The following AOAH variants were observed in gnomAD, a reference collection of about 807,000 sequenced individuals.
The protein encoded by AOAH is acyloxyacyl hydrolase.
A neutral mutation model predicts 92.2 loss-of-function variants in AOAH; 64 were observed. That is an observed-to-expected ratio of 0.69 (90% CI 0.57 to 0.86). AOAH has a LOEUF of 0.86. Ranked by LOEUF, AOAH falls within the 40% of genes least tolerant of loss-of-function variation. The probability of loss-of-function intolerance (pLI) is 0.00; values close to 1 mark genes in which losing one functional copy is unlikely to be tolerated. For missense variants in AOAH, 656 were observed against 694.6 expected, an observed-to-expected ratio of 0.94 and a Z score of 0.62; for synonymous variants, 263 against 254.5, an observed-to-expected ratio of 1.03 and a Z score of -0.32.
At chr7:36,570,571 C>A (rs1268452023) in intron 13 of AOAH, among the ~76,000 whole-genome samples, 1 of 152,168 alleles carries the variant, frequency 6.6e-6, no homozygotes, top group Non-Finnish European at 1.5e-5. Context: ...TTGGAGGAAC[C>A]TCCATACTGT....
chr7:36,609,600 G>A (rs1417835504), intron 11 of AOAH, among the ~76,000 whole-genome samples: 1 of 152,124 alleles, frequency 6.6e-6, no homozygotes, highest in African/African-American at 2.4e-5. Context: ...TTCCTAGGTT[G>A]ACTGGGACCT....
intron 1 of AOAH, among the ~76,000 whole-genome samples, chr7:36,688,010 G>A (rs751804898): frequency 3.4e-4 from 52 of 152,192 alleles, no homozygotes; most frequent in Non-Finnish European, 1.0e-4. Flanking sequence ...TCTGGACAAA[G>A]AGAAAGGTTC....
At chr7:36,669,276 T>C (rs1265097934) in intron 3 of AOAH, among the ~76,000 whole-genome samples, 1 of 152,182 alleles carries the variant, frequency 6.6e-6, no homozygotes, top group East Asian at 1.9e-4. Flanking sequence ...AATACTTTTA[T>C]CTTGTTTCTA....
rs534887934 is a variant in AOAH at position 36,701,432 on chromosome 7, TG to T, written c.128-14639del. Among the ~76,000 whole-genome samples, 313 of 151,122 alleles carry T rather than the reference TG, an allele frequency of 2.1e-3. 1 individual carries two copies. Among genetic ancestry groups the T allele is most frequent in the East Asian group, 4.2e-3 (22 of 5,178 alleles). On this transcript the variant is annotated intron_variant, in intron 1 of 20. Transcript: ENST00000617537. ...TTTTCTTTTCAACTCTTTCAGTATT[TG>T]GGGGCTTTTAAATTAAGTTCATATA...
chr7:36,594,872 G>A (rs1314639265), intron 11 of AOAH, among the ~76,000 whole-genome samples: 1 of 152,096 alleles, frequency 6.6e-6, no homozygotes, highest in African/African-American at 2.4e-5. Context: ...AAGGCATTAA[G>A]GTGGTGCCCT....
At chr7:36,639,586 ATATGT>A (rs1008904134) in intron 4 of AOAH, among the ~76,000 whole-genome samples, 1 of 152,270 alleles carries the variant, frequency 6.6e-6, no homozygotes, top group Admixed American at 6.5e-5. Context: ...TTGCAAAGGA[ATATGT>A]TATAATAATG....
Position 36,713,945 on chromosome 7 carries a change from A to C in AOAH, c.127+10077T>G, listed in dbSNP as rs1798953261. ...GAGAAGCAAGAGCAAACACATTCAA[A>C]AGCTAGCAGAAGGCAAGAACTAACT... On this transcript the variant is annotated intron_variant, in intron 1 of 20. Transcript: ENST00000617537. Among the ~76,000 whole-genome samples, 5 of 152,310 alleles carry C rather than the reference A, an allele frequency of 3.3e-5. No individual in the cohort carries two copies. In the South Asian group the frequency reaches 1.0e-3, roughly 32 times the overall value.
At chr7:36,578,157 C>T (rs1303972025) in intron 12 of AOAH, among the ~76,000 whole-genome samples, 1 of 151,896 alleles carries the variant, frequency 6.6e-6, no homozygotes, top group African/African-American at 2.4e-5. Flanking sequence ...TCAAAGCTAC[C>T]CATGCACATA....
At chr7:36,536,483 C>T (rs1054158075) in intron 16 of AOAH, among the ~76,000 whole-genome samples, 1 of 152,090 alleles carries the variant, frequency 6.6e-6, no homozygotes, top group Non-Finnish European at 1.5e-5. Flanking sequence ...CTACAGTGGC[C>T]TGGGCAGAGC....
At chr7:36,631,345 C>T (rs1793076564) in intron 6 of AOAH, among the ~76,000 whole-genome samples, 1 of 125,718 alleles carries the variant, frequency 8.0e-6, no homozygotes, top group African/African-American at 3.2e-5. Flanking sequence ...GACACTCCAT[C>T]ATCTCAAAAA....
intron 1 of AOAH, among the ~76,000 whole-genome samples, chr7:36,699,125 AATGACAGGCTTTC>A (rs1797886450): frequency 6.6e-6 from 1 of 152,036 alleles, no homozygotes; most frequent in Non-Finnish European, 1.5e-5. Context: ...TGTTGCTGCA[AATGACAGGCTTTC>A]ATTCTTTATT....
At chr7:36,517,184 T>C (rs959802924) in intron 20 of AOAH, among the ~76,000 whole-genome samples, 2 of 61,012 alleles carry the variant, frequency 3.3e-5, no homozygotes, top group Non-Finnish European at 6.6e-5. Flanking sequence ...CTTTCTTTCT[T>C]TCTTTCTTTC....
At chr7:36,719,504 C>A (rs562198235) in intron 1 of AOAH, among the ~76,000 whole-genome samples, 1 of 152,206 alleles carries the variant, frequency 6.6e-6, no homozygotes. Flanking sequence ...GGAAGAACTT[C>A]TTCCATGTGT....
At position 36,658,788 on chromosome 7, in the gene AOAH, G is replaced by A. The variant is rs1484619828; in HGVS notation, c.390+378C>T. 2.0e-5 allele frequency among the ~76,000 whole-genome samples: 3 copies of A among 152,124 alleles called. No individual in the cohort carries two copies. The East Asian group carries it at 5.8e-4, about 29-fold the overall frequency. On this transcript the variant is annotated intron_variant, in intron 4 of 20. Coordinates refer to ENST00000617537, the MANE Select transcript of AOAH (RefSeq NM_001637.4). Reference sequence around the variant, plus strand: ...CTGCCCAGGATTTCCCAAGATGTGGGGCTTTCAGTGCTCATGGCAGGAAAG... The same window carrying A: ...CTGCCCAGGATTTCCCAAGATGTGGAGCTTTCAGTGCTCATGGCAGGAAAG...
chr7:36,713,049 C>T (rs376669314), intron 1 of AOAH, among the ~76,000 whole-genome samples: 1 of 152,052 alleles, frequency 6.6e-6, no homozygotes, highest in East Asian at 1.9e-4. Context: ...ATTGGATAAA[C>T]AGTCAAGACC....
rs568627213 is a variant in AOAH at position 36,564,024 on chromosome 7, G to A, written c.1021+12550C>T. On this transcript the variant is annotated intron_variant, in intron 13 of 20. Coordinates refer to ENST00000617537, the MANE Select transcript of AOAH (RefSeq NM_001637.4). ...ATTTTTAAAAGGATGCATAATAATAGCCTTCCCACAGTAGCTGTGATCTGC... is the reference window on the plus strand; with the variant it reads ...ATTTTTAAAAGGATGCATAATAATAACCTTCCCACAGTAGCTGTGATCTGC... Among the ~76,000 whole-genome samples, 83 of 152,222 alleles carry A rather than the reference G, an allele frequency of 5.5e-4. 1 individual carries two copies. In the South Asian group the frequency reaches 9.1e-3, roughly 17 times the overall value.
At position 36,724,313 on chromosome 7, in the gene AOAH, A is replaced by T; in HGVS notation, c.-165T>A. The T allele has an allele frequency of 7.5e-6, 5 of 667,984 alleles. No individual in the cohort carries two copies. Among genetic ancestry groups the T allele is most frequent in the South Asian group, 1.8e-5 (1 of 54,982 alleles). The allele number at this position is 667,984 out of a possible 1,614,324, so 41.4% of individuals were successfully genotyped here. On this transcript the variant is annotated 5_prime_UTR_variant, in exon 1 of 21. Transcript: ENST00000617537. ...ACATACACACTTTTCAATAAGTGTGAAGTGAATAAAAGCACACATAAACAC... is the reference window on the plus strand; with the variant it reads ...ACATACACACTTTTCAATAAGTGTGTAGTGAATAAAAGCACACATAAACAC...
chr7:36,553,367 T>G (rs1311324826), intron 13 of AOAH, among the ~76,000 whole-genome samples: 3 of 152,036 alleles, frequency 2.0e-5, no homozygotes, highest in Non-Finnish European at 4.4e-5. Context: ...GTGCCACATT[T>G]TCTTAATCCA....
chr7:36,678,600 T>TGTGTGTGTGTGCGTGCGC (rs549317369), intron 2 of AOAH, among the ~76,000 whole-genome samples: 3 of 131,034 alleles, frequency 2.3e-5, no homozygotes, highest in Admixed American at 7.7e-5. Flanking sequence ...TGTGTGTGTG[T>TGTGTGTGTGTGCGTGCGC]GCGCGCGCGC....
Sources: allele counts gnomAD v4.1 joint callset (sites outside exome capture counted in the v4.1 genomes callset), GRCh38; gene constraint gnomAD v4.1.1; transcripts MANE v1.5; gene names NCBI Gene and HGNC (gene_info 2026-07-23, HGNC 2026-07-21).